The following PDE1A variants were observed in gnomAD, a reference collection of about 807,000 sequenced individuals.
PDE1A encodes the protein dual specificity calcium/calmodulin-dependent 3',5'-cyclic nucleotide phosphodiesterase 1A.
In PDE1A, 35 loss-of-function variants were observed where a neutral mutation model predicts 61.7. That is an observed-to-expected ratio of 0.57 (90% CI 0.43 to 0.75). PDE1A has a LOEUF of 0.75. Among genes scored for constraint, PDE1A ranks in the 30% least tolerant of loss-of-function variants. The pLI, the probability that PDE1A is intolerant of heterozygous loss-of-function variation, is 0.00. For missense variants in PDE1A, 597 were observed against 630.6 expected (o/e 0.95, Z 0.57); for synonymous variants, 232 against 213.2 (o/e 1.09, Z -0.77).
At chr2:182,143,278 G>T (rs1269170529), downstream of PDE1A, among the ~76,000 whole-genome samples, 2 of 150,690 alleles carry the variant, frequency 1.3e-5, no homozygotes, top group East Asian at 4.0e-4. Flanking sequence ...TAATGAATAT[G>T]TTAATCAGCT....
At chr2:182,186,043 T>G in exon 13 of PDE1A, 1 of 1,614,052 alleles carries the variant, frequency 6.2e-7, no homozygotes, top group South Asian at 1.1e-5. Flanking sequence ...ATCGTCTTAG[T>G]GCATCAGCAA....
chr2:182,161,164 A>G (rs546118025), intron 13 of PDE1A, among the ~76,000 whole-genome samples: 15 of 152,166 alleles, frequency 9.9e-5, no homozygotes, highest in Non-Finnish European at 1.8e-4. Context: ...CTCCAGATGC[A>G]TATACATACC....
At chr2:182,503,749 C>T (rs1256396053) in intron 2 of PDE1A, among the ~76,000 whole-genome samples, 1 of 152,054 alleles carries the variant, frequency 6.6e-6, no homozygotes, top group Non-Finnish European at 1.5e-5. Flanking sequence ...GTTGCTGTAC[C>T]GTTTTATTAA....
chr2:182,276,745 G>A (rs902034009), intron 1 of PDE1A, among the ~76,000 whole-genome samples: 2 of 152,052 alleles, frequency 1.3e-5, no homozygotes, highest in Non-Finnish European at 2.9e-5. Flanking sequence ...AGAGGTGCAA[G>A]TAGGGAAGAT....
chr2:182,190,784 C>T (rs1002703196), intron 10 of PDE1A, among the ~76,000 whole-genome samples: 1 of 151,752 alleles, frequency 6.6e-6, no homozygotes, highest in Non-Finnish European at 1.5e-5. Context: ...GGTGAAACAC[C>T]GTCTCTACTA....
intron 1 of PDE1A, among the ~76,000 whole-genome samples, chr2:182,310,938 C>T (rs1249415751): frequency 1.3e-5 from 2 of 152,164 alleles, no homozygotes; most frequent in Non-Finnish European, 2.9e-5. Flanking sequence ...ATCTCCCACT[C>T]GATCTGCCAC....
At chr2:182,495,227 C>T (rs988231592) in intron 2 of PDE1A, among the ~76,000 whole-genome samples, 4 of 152,176 alleles carry the variant, frequency 2.6e-5, no homozygotes, top group African/African-American at 9.7e-5. Context: ...TTAGCCTTTT[C>T]CTTGGGGTGG....
intron 10 of PDE1A, among the ~76,000 whole-genome samples, chr2:182,195,872 C>T (rs1003507593): frequency 1.3e-5 from 2 of 152,038 alleles, no homozygotes; most frequent in Non-Finnish European, 2.9e-5. Context: ...TGCAGTCCTG[C>T]TAATTTCTAG....
chr2:182,409,236 T>C (rs1429174303), intron 1 of PDE1A, among the ~76,000 whole-genome samples: 5 of 152,198 alleles, frequency 3.3e-5, no homozygotes, highest in African/African-American at 1.2e-4. Context: ...TAACTCTCAC[T>C]TCAGTTCCAC....
chr2:182,406,652 A>G (rs1023917441), intron 1 of PDE1A, among the ~76,000 whole-genome samples: 3 of 152,150 alleles, frequency 2.0e-5, no homozygotes, highest in Non-Finnish European at 4.4e-5. Context: ...TTTTATGTAT[A>G]AAAAATTATT....
rs372961063 is a variant in PDE1A, at chr2:182,184,783, C to A, written c.1516+1109G>T. Among the ~76,000 whole-genome samples the A allele has an allele frequency of 2.6e-4, 39 of 152,272 alleles. No homozygotes were observed. In the East Asian group the frequency reaches 6.8e-3, roughly 26 times the overall value. ...ATTCCCAAGGCCCATCTTATTATCT[C>A]TATATCACAGCCACACTAAATTTAT... On this transcript the variant is annotated intron_variant, in intron 13 of 13. Coordinates refer to ENST00000351439, the Ensembl canonical transcript of PDE1A.
chr2:182,449,049 TAC>T (rs200893342), intron 2 of PDE1A, among the ~76,000 whole-genome samples: 1,281 of 90,428 alleles, frequency 0.014, 14 homozygotes, highest in African/African-American at 0.029. Context: ...ATCATACACA[TAC>T]ACACACACAC....
upstream of PDE1A, among the ~76,000 whole-genome samples, chr2:182,527,194 C>G (rs1690784511): frequency 6.8e-6 from 1 of 147,290 alleles, no homozygotes; most frequent in Admixed American, 6.8e-5. Flanking sequence ...AGGCTGGGAG[C>G]CATGAGTCAT....
intron 1 of PDE1A, among the ~76,000 whole-genome samples, chr2:182,310,479 G>A (rs1053930306): frequency 5.9e-5 from 9 of 152,032 alleles, no homozygotes; most frequent in African/African-American, 2.2e-4. Context: ...TACAATATGT[G>A]TCATATACTC....
intron 1 of PDE1A, among the ~76,000 whole-genome samples, chr2:182,350,002 T>A (rs974060110): frequency 6.6e-6 from 1 of 152,160 alleles, no homozygotes; most frequent in Non-Finnish European, 1.5e-5. Context: ...GGCTCCCAGA[T>A]TAAGAAAGAA....
chr2:182,147,464 T>C (rs1395573480), intron 13 of PDE1A, among the ~76,000 whole-genome samples: 1 of 152,240 alleles, frequency 6.6e-6, no homozygotes, highest in Non-Finnish European at 1.5e-5. Flanking sequence ...TTTTTCTGAA[T>C]ATTTTTTAAT....
the PDE1A span, among the ~76,000 whole-genome samples, chr2:182,568,465 A>G: frequency 2.8e-4 from 42 of 151,672 alleles, no homozygotes; most frequent in African/African-American, 6.5e-4. Context: ...GATCACTAGG[A>G]CAGGAGATCG....
intron 2 of PDE1A, among the ~76,000 whole-genome samples, chr2:182,498,188 T>G (rs138016897): frequency 1.9e-3 from 292 of 151,896 alleles, no homozygotes; most frequent in African/African-American, 4.9e-3. Context: ...ACCAAACCTC[T>G]GAGGAAAGCC....
chr2:182,180,254 A>T (rs577889240), intron 13 of PDE1A, among the ~76,000 whole-genome samples: 59 of 152,316 alleles, frequency 3.9e-4, no homozygotes, highest in Non-Finnish European at 6.6e-4. Context: ...TATAAAGCAC[A>T]TGTTAGACAT....
Sources: allele counts gnomAD v4.1 joint callset (sites outside exome capture counted in the v4.1 genomes callset), GRCh38; gene constraint gnomAD v4.1.1; transcripts MANE v1.5; gene names NCBI Gene and HGNC (gene_info 2026-07-23, HGNC 2026-07-21).